AKIP1: variants seen among roughly 807,000 people sequenced by gnomAD.
AKIP1 encodes the protein A-kinase interacting protein 1, also known as A-kinase-interacting protein 1.
AKIP1 carries 18 observed loss-of-function variants against 22.3 expected under a neutral mutation model. The observed-to-expected ratio is 0.81, with a 90% CI of 0.56 to 1.19. AKIP1 has a LOEUF of 1.19. Among genes scored for constraint, AKIP1 ranks in the 50% most tolerant of loss-of-function variants. The probability of loss-of-function intolerance (pLI) is 0.00; values close to 1 mark genes in which losing one functional copy is unlikely to be tolerated. For missense variants in AKIP1, 287 were observed against 264.6 expected (o/e 1.08, Z -0.59); for synonymous variants, 120 against 102.7 (o/e 1.17, Z -1.02).
chr11:8,918,363 G>A (rs191537448), intron 5 of AKIP1, among the ~76,000 whole-genome samples: 1 of 152,316 alleles, frequency 6.6e-6, no homozygotes, highest in African/African-American at 2.4e-5. Flanking sequence ...ACATAAAACA[G>A]CTTTGGAAAA....
chr11:8,915,965 G>A (rs1159567977), intron 4 of AKIP1, among the ~76,000 whole-genome samples: 1 of 151,900 alleles, frequency 6.6e-6, no homozygotes, highest in Non-Finnish European at 1.5e-5. Flanking sequence ...GGGACTACAG[G>A]CGTTGCCACC....
At chr11:8,912,026 C>T (rs973499376) in intron 2 of AKIP1, among the ~76,000 whole-genome samples, 1 of 151,522 alleles carries the variant, frequency 6.6e-6, no homozygotes, top group Non-Finnish European at 1.5e-5. Flanking sequence ...GGAGAAATCC[C>T]GTCTCTACTA....
Position 8,912,572 on chromosome 11 carries a change from C to T in AKIP1, c.303+39C>T, listed in dbSNP as rs773071562. 11 of 1,510,232 alleles carry T rather than the reference C, an allele frequency of 7.3e-6. No homozygotes were observed. The East Asian group carries it at 2.5e-4, about 34-fold the overall frequency. The allele number at this position is 1,510,232 out of a possible 1,614,324, so 93.6% of individuals were successfully genotyped here. A position where few individuals can be genotyped will look rare whatever the true frequency, so the allele number is the denominator to read the frequency against. On this transcript the variant is annotated intron_variant, in intron 3 of 5. Transcript: ENST00000309377. Reference sequence around the variant, plus strand: ...AACCAAAACTATGCCCCATCACCTGCTGATGGACCACATTTGGATCTTTCT... The same window carrying T: ...AACCAAAACTATGCCCCATCACCTGTTGATGGACCACATTTGGATCTTTCT...
rs1334065929 is a variant in AKIP1 at position 8,912,499 on chromosome 11, C to T, written c.269C>T (p.Ala90Val). The T allele has an allele frequency of 6.2e-7, 1 of 1,614,136 alleles. No homozygotes were observed. Among genetic ancestry groups the T allele is most frequent in the South Asian group, 1.1e-5 (1 of 91,088 alleles). ...CTTAGTGCTTCCTTCAGAACAATGG[C>T]TGAATTCATGGACTATACTTCAAGT... Reference protein sequence around the residue: ...PTLSASFRTMAEFMDYTSSQC... With the variant: ...PTLSASFRTMVEFMDYTSSQC... Residue 90 changes from alanine to valine, a missense_variant, in exon 3 of 6, where the codon GCT (alanine) becomes GTT (valine). Physicochemically the swap from Ala to Val is moderately conservative, Grantham distance 64. Transcript: ENST00000309377.
intron 4 of AKIP1, among the ~76,000 whole-genome samples, chr11:8,915,828 T>C (rs2064476287): frequency 6.8e-6 from 1 of 147,766 alleles, no homozygotes; most frequent in Non-Finnish European, 1.5e-5. Flanking sequence ...TCTTTTTTTT[T>C]TTTTTTTTTT....
At position 8,912,520 on chromosome 11, in the gene AKIP1, C is replaced by A; in HGVS notation, c.290C>A (p.Ser97Ter). 6.2e-7 allele frequency: 1 copy of A among 1,614,008 alleles called. No homozygotes were observed. The highest frequency in any genetic ancestry group is 1.7e-5 in the Admixed American group (1 of 60,030). Residue 97 changes from serine (S) to a stop codon, truncating the protein, a stop_gained, in exon 3 of 6, where the codon TCA becomes TAA. Coordinates refer to ENST00000309377, the MANE Select transcript of AKIP1 (RefSeq NM_020642.4). LOFTEE classifies it high-confidence loss of function. The part of the protein sequence containing the change: ...RTMAEFMDYT[S>*]SQCGKYYSSV... ...ATGGCTGAATTCATGGACTATACTT[C>A]AAGTCAGTGTGGGGTAAGTTGGTGT...
At chr11:8,911,831 A>G (rs974646392) in intron 2 of AKIP1, among the ~76,000 whole-genome samples, 160 bp downstream of exon 2, 3 of 152,072 alleles carry the variant, frequency 2.0e-5, no homozygotes, top group African/African-American at 7.2e-5. Flanking sequence ...AAAACGCTTT[A>G]CATTTGACAG....
intron 3 of AKIP1, among the ~76,000 whole-genome samples, chr11:8,913,441 G>A (rs12798311): frequency 0.31 from 47,464 of 151,864 alleles, 7,776 homozygotes; most frequent in South Asian, 0.44. Context: ...GCGCATCTTG[G>A]CCTCCCAAAG....
chr11:8,913,194 T>A (rs77595664), intron 3 of AKIP1, among the ~76,000 whole-genome samples: 3 of 142,278 alleles, frequency 2.1e-5, no homozygotes, highest in African/African-American at 5.3e-5. Context: ...TTTTTTTTTT[T>A]AATTGAGACA....
chr11:8,912,020 A>C (rs1400304773), intron 2 of AKIP1, among the ~76,000 whole-genome samples: 1 of 151,808 alleles, frequency 6.6e-6, no homozygotes, highest in Non-Finnish European at 1.5e-5. Flanking sequence ...CAACATGGAG[A>C]AATCCCGTCT....
At chr11:8,915,347 A>ATTTTT (rs146108642) in intron 4 of AKIP1, among the ~76,000 whole-genome samples, 1 of 105,096 alleles carries the variant, frequency 9.5e-6, no homozygotes, top group African/African-American at 3.3e-5. Flanking sequence ...TAGGGATAGG[A>ATTTTT]TTTTTTTTTT....
rs1457452093 is a variant in AKIP1 at position 8,914,860 on chromosome 11, C to A, written c.338C>A (p.Ala113Glu). ...TCATCTGTGCCAGAGGAAGGAGGGG[C>A]AACCCATGTCTATCGTTATCACAGA... ...YYSSVPEEGG[A>E]THVYRYHRGE... is the part of the protein sequence containing the mutation. Residue 113 changes from alanine (A) to glutamate (E), a missense_variant, in exon 4 of 6, where the codon GCA (alanine) becomes GAA (glutamate). Physicochemically the swap from Ala to Glu is moderately radical, Grantham distance 107. Coordinates refer to ENST00000309377, the MANE Select transcript of AKIP1 (RefSeq NM_020642.4). 2 of 1,613,864 alleles carry A rather than the reference C, an allele frequency of 1.2e-6. No individual in the cohort carries two copies. Among genetic ancestry groups the A allele is most frequent in the Non-Finnish European group, 1.7e-6 (2 of 1,179,942 alleles).
chr11:8,911,723 C>T (rs1167161437), intron 2 of AKIP1, 52 bp downstream of exon 2: 1 of 1,447,792 alleles, frequency 6.9e-7, no homozygotes, highest in East Asian at 2.5e-5. Flanking sequence ...CGCGGTAGCC[C>T]GCTGGGAGCC....
In AKIP1 at chr11:8,912,442, T is replaced by G; in HGVS notation, c.223-11T>G. The stretch of plus-strand genomic sequence containing the variant: ...TAGAGCTAACCTGTGACGTGCCATT[T>G]ATTCAAATAGAGAGAAGAGAGACCC... On this transcript the variant is annotated splice_polypyrimidine_tract_variant and intron_variant, in intron 2 of 5. Coordinates refer to ENST00000309377, the MANE Select transcript of AKIP1 (RefSeq NM_020642.4). The G allele has an allele frequency of 6.2e-7, 1 of 1,610,570 alleles. No homozygotes were observed. The highest frequency in any genetic ancestry group is 8.5e-7 in the Non-Finnish European group (1 of 1,176,764).
chr11:8,914,124 G>T (rs1285882973), intron 3 of AKIP1, among the ~76,000 whole-genome samples: 1 of 152,102 alleles, frequency 6.6e-6, no homozygotes, highest in African/African-American at 2.4e-5. Context: ...CCAGCTTCTC[G>T]TTCTTCTGGT....
chr11:8,913,742 A>G (rs1386633444), intron 3 of AKIP1, among the ~76,000 whole-genome samples: 2 of 152,166 alleles, frequency 1.3e-5, no homozygotes, highest in Non-Finnish European at 2.9e-5. Flanking sequence ...TACATCTTTT[A>G]TAAGAATCCC....
At chr11:8,914,353 C>G (rs1410120303) in intron 3 of AKIP1, among the ~76,000 whole-genome samples, 1 of 152,206 alleles carries the variant, frequency 6.6e-6, no homozygotes, top group Non-Finnish European at 1.5e-5. Context: ...AAAAGGGCTG[C>G]AGAGCAGCTC....
chr11:8,915,286 C>A (rs550468254), intron 4 of AKIP1, among the ~76,000 whole-genome samples: 2 of 151,650 alleles, frequency 1.3e-5, no homozygotes, highest in Admixed American at 1.3e-4. Context: ...GCAACATAGA[C>A]CCTTTCTCTA....
Position 8,919,456 on chromosome 11 carries a change from C to A in AKIP1, c.609C>A (p.Ser203Arg), listed in dbSNP as rs924049949. 1 of 1,614,104 alleles carries A rather than the reference C, an allele frequency of 6.2e-7. No individual in the cohort carries two copies. The change falls in exon 6 of 6, where the codon AGC becomes AGA. Residue 203 changes from serine (S) to arginine (R), a missense_variant. Physicochemically the swap from Ser to Arg is moderately radical, Grantham distance 110 (BLOSUM62 -1). Transcript: ENST00000309377. ...TGGTAGCAGTTGATTCTGGACAAAGCGTGGACCTGGTCTTCCCTGTGTGAT... is the reference window on the plus strand; with the variant it reads ...TGGTAGCAGTTGATTCTGGACAAAGAGTGGACCTGGTCTTCCCTGTGTGAT... Reference protein sequence around the residue: ...THVVAVDSGQSVDLVFPV With the variant: ...THVVAVDSGQRVDLVFPV
Sources: gnomAD v4.1 joint callset for allele counts (sites outside exome capture counted in the v4.1 genomes callset) on GRCh38, gnomAD v4.1.1 for gene constraint, MANE v1.5 for transcripts, NCBI Gene and HGNC (gene_info 2026-07-23, HGNC 2026-07-21) for gene names.